The following NRXN1 variants were observed in gnomAD, a reference collection of about 807,000 sequenced individuals.
NRXN1 encodes neurexin 1, also known as neurexin-1.
NRXN1 carries 39 observed loss-of-function variants against 150.9 expected under a neutral mutation model. The observed-to-expected ratio is 0.26, with a 90% CI of 0.20 to 0.34. The LOEUF is 0.34. NRXN1 is among the 10% of genes least tolerant of loss of function. The probability of loss-of-function intolerance (pLI) is 1.00; values close to 1 mark genes in which losing one functional copy is unlikely to be tolerated. For synonymous variants in NRXN1, 924 were observed against 757.0 expected (o/e 1.22, Z -3.62); for missense variants, 1,815 against 1,949.9 (o/e 0.93, Z 1.30).
intron 5 of NRXN1, among the ~76,000 whole-genome samples, chr2:50,875,481 A>T (rs1313673380): frequency 2.0e-5 from 3 of 151,638 alleles, no homozygotes; most frequent in Non-Finnish European, 4.4e-5. Context: ...TTATTACTAT[A>T]TATTCAAATC....
intron 5 of NRXN1, among the ~76,000 whole-genome samples, chr2:50,777,061 T>C (rs1703737801): frequency 6.6e-6 from 1 of 152,160 alleles, no homozygotes; most frequent in Non-Finnish European, 1.5e-5. Flanking sequence ...AAAGTTAGAA[T>C]GTCATTTGCA....
chr2:50,942,142 C>T (rs1558461874), intron 2 of NRXN1, among the ~76,000 whole-genome samples: 1 of 152,192 alleles, frequency 6.6e-6, no homozygotes, highest in Non-Finnish European at 1.5e-5. Flanking sequence ...TTGGCAGCTT[C>T]CACATGGTGT....
chr2:50,837,488 A>C (rs1330544099), intron 5 of NRXN1, among the ~76,000 whole-genome samples: 2 of 152,114 alleles, frequency 1.3e-5, no homozygotes, highest in Non-Finnish European at 2.9e-5. Context: ...TCTTTCTTGC[A>C]AAACTGGGAA....
intron 18 of NRXN1, among the ~76,000 whole-genome samples, chr2:50,231,420 G>A (rs1048127285): frequency 1.3e-5 from 2 of 151,988 alleles, no homozygotes; most frequent in African/African-American, 2.4e-5. Context: ...GTGTTATTTT[G>A]GGACATGTAA....
intron 5 of NRXN1, among the ~76,000 whole-genome samples, chr2:50,809,083 G>C (rs944285777): frequency 6.6e-6 from 1 of 152,090 alleles, no homozygotes; most frequent in Non-Finnish European, 1.5e-5. Flanking sequence ...TCAGTCTACA[G>C]TGTTTACAGA....
At chr2:49,954,197 A>C (rs966997303) in intron 21 of NRXN1, among the ~76,000 whole-genome samples, 1 of 150,844 alleles carries the variant, frequency 6.6e-6, no homozygotes, top group African/African-American at 2.5e-5. Flanking sequence ...TCTCTCACTT[A>C]CACTAGCCCC....
At chr2:50,742,879 G>A (rs911698302) in intron 5 of NRXN1, among the ~76,000 whole-genome samples, 2 of 152,094 alleles carry the variant, frequency 1.3e-5, no homozygotes, top group Non-Finnish European at 1.5e-5. Context: ...CACATTAAAG[G>A]TGAGGAAAAT....
intron 17 of NRXN1, among the ~76,000 whole-genome samples, chr2:50,379,709 A>T (rs1558631671): frequency 1.3e-5 from 2 of 152,178 alleles, no homozygotes; most frequent in African/African-American, 4.8e-5. Flanking sequence ...TTAGAAAAAA[A>T]TAGAAGGGTG....
At chr2:50,619,929 G>A in intron 8 of NRXN1, 93 bp downstream of exon 8, 1 of 1,175,442 alleles carries the variant, frequency 8.5e-7, no homozygotes, top group Non-Finnish European at 1.2e-6. Flanking sequence ...GTTTGACTCT[G>A]GAACATCGGG....
chr2:50,567,998 T>C (rs962545614), intron 8 of NRXN1, among the ~76,000 whole-genome samples: 12 of 151,860 alleles, frequency 7.9e-5, no homozygotes, highest in African/African-American at 2.9e-4. Context: ...AAAATTAGGG[T>C]CCCCATTTTT....
At chr2:50,914,102 C>T (rs1263173558) in intron 5 of NRXN1, among the ~76,000 whole-genome samples, 2 of 151,602 alleles carry the variant, frequency 1.3e-5, no homozygotes, top group African/African-American at 2.4e-5. Context: ...CTTTTTAATT[C>T]GAAGATTTCC....
intron 15 of NRXN1, among the ~76,000 whole-genome samples, chr2:50,482,975 C>A (rs545852362): frequency 6.9e-6 from 1 of 144,654 alleles, no homozygotes. Flanking sequence ...CGCTTGAACC[C>A]GGGAGGCAGT....
chr2:50,685,936 A>G (rs930055900), intron 5 of NRXN1, among the ~76,000 whole-genome samples: 3 of 152,074 alleles, frequency 2.0e-5, no homozygotes, highest in Non-Finnish European at 4.4e-5. Context: ...AACCGCATCA[A>G]AAATATAGAT....
chr2:50,314,162 T>C (rs1425951206), intron 17 of NRXN1, among the ~76,000 whole-genome samples: 1 of 152,080 alleles, frequency 6.6e-6, no homozygotes, highest in Non-Finnish European at 1.5e-5. Context: ...TAATCTTTGA[T>C]GGTAGACGCT....
At chr2:50,121,503 C>A (rs1703852569) in intron 18 of NRXN1, among the ~76,000 whole-genome samples, 2 of 152,186 alleles carry the variant, frequency 1.3e-5, no homozygotes, top group African/African-American at 2.4e-5. Context: ...AAGTGATGTG[C>A]AAACACTACT....
chr2:50,479,703 A>T (rs1462312920), intron 15 of NRXN1, among the ~76,000 whole-genome samples: 1 of 150,286 alleles, frequency 6.7e-6, no homozygotes, highest in African/African-American at 2.4e-5. Context: ...GGCTCTTTTT[A>T]CCTGAGCAAT....
chr2:50,329,192 C>G (rs570813153), intron 17 of NRXN1, among the ~76,000 whole-genome samples: 2 of 152,008 alleles, frequency 1.3e-5, no homozygotes, highest in African/African-American at 2.4e-5. Flanking sequence ...CTAACAACAT[C>G]AATAAAGAAT....
At chr2:50,362,218 C>T (rs911805144) in intron 17 of NRXN1, among the ~76,000 whole-genome samples, 12 of 152,148 alleles carry the variant, frequency 7.9e-5, no homozygotes, top group Non-Finnish European at 1.3e-4. Context: ...ATCACCACTC[C>T]TATTCAACAT....
At chr2:50,225,056 A>G (rs1022228863) in intron 18 of NRXN1, among the ~76,000 whole-genome samples, 2 of 151,990 alleles carry the variant, frequency 1.3e-5, no homozygotes, top group Non-Finnish European at 2.9e-5. Flanking sequence ...GGAAAAATGA[A>G]TCCATTTCAT....
Sources: gnomAD v4.1 joint callset for allele counts (sites outside exome capture counted in the v4.1 genomes callset) on GRCh38, gnomAD v4.1.1 for gene constraint, MANE v1.5 for transcripts, NCBI Gene and HGNC (gene_info 2026-07-23, HGNC 2026-07-21) for gene names.